Variants in POLR3GL observed in about 807,000 individuals in gnomAD.
POLR3GL encodes RNA polymerase III subunit GL.
In POLR3GL, 26 loss-of-function variants were observed where a neutral mutation model predicts 32.4. The ratio of observed to expected loss-of-function variants is 0.80; its 90% confidence interval spans 0.59 to 1.11. The LOEUF (loss-of-function observed/expected upper bound fraction) is 1.11. Among genes scored for constraint, POLR3GL ranks in the 50% most tolerant of loss-of-function variants. POLR3GL has a pLI of 0.00. For missense variants in POLR3GL, 229 were observed against 280.1 expected (o/e 0.82, Z 1.30); for synonymous variants, 95 against 98.7 (o/e 0.96, Z 0.22).
intron 3 of POLR3GL, 42 bp from the exon 4 acceptor site, chr1:145,977,042 G>C: frequency 6.6e-7 from 1 of 1,507,988 alleles, no homozygotes; most frequent in Non-Finnish European, 9.2e-7. Context: ...GTCCTGTTCT[G>C]GGTCTCTGAA....
chr1:145,977,587 A>C, intron 5 of POLR3GL, 48 bp downstream of exon 5: 1 of 1,552,640 alleles, frequency 6.4e-7, no homozygotes, highest in Non-Finnish European at 8.9e-7. Context: ...TTCCTTCATC[A>C]GCCTGAGGGC....
chr1:145,969,796 G>A (rs1475394433), intron 1 of POLR3GL, among the ~76,000 whole-genome samples: 2 of 150,670 alleles, frequency 1.3e-5, no homozygotes, highest in African/African-American at 4.9e-5. Context: ...GTGGGTGCCT[G>A]TAATCCCAGC....
chr1:145,966,945 C>T (rs978535776), intron 1 of POLR3GL, among the ~76,000 whole-genome samples: 2 of 151,828 alleles, frequency 1.3e-5, no homozygotes, highest in Admixed American at 1.3e-4. Context: ...GACTGTATAT[C>T]TGTTGATGTC....
intron 1 of POLR3GL, among the ~76,000 whole-genome samples, chr1:145,972,030 G>GTGTGTGTGTA (rs1345016591): frequency 3.1e-5 from 4 of 128,542 alleles, no homozygotes; most frequent in African/African-American, 1.2e-4. Context: ...GTGTGTGTGT[G>GTGTGTGTGTA]TATATATATA....
rs587640265 is a variant in POLR3GL, at chr1:145,978,550, A to T, written c.*103A>T. ...CAAATCATTTGGTCAGAGTTCATAT[A>T]ATCTGTCTGTTCCCTGGAGATGGGA... On this transcript the variant is annotated 3_prime_UTR_variant, in exon 8 of 8. Transcript: ENST00000369314. 1.3e-6 allele frequency: 1 copy of T among 789,454 alleles called. No individual in the cohort carries two copies. The highest frequency in any genetic ancestry group is 2.4e-5 in the East Asian group (1 of 40,968). The allele number at this position is 789,454 out of a possible 1,614,324, so 48.9% of individuals were successfully genotyped here.
intron 1 of POLR3GL, among the ~76,000 whole-genome samples, chr1:145,971,833 C>T (rs1490401523): frequency 2.7e-5 from 4 of 150,494 alleles, no homozygotes; most frequent in African/African-American, 7.3e-5. Flanking sequence ...GGCGTAGTGG[C>T]GTGCGCCCGT....
At position 145,977,556 on chromosome 1, in the gene POLR3GL, A is replaced by G. The variant is rs376979136; in HGVS notation, c.382+17A>G. ...AGAAGGAACGTGAGTGTATCTGGAAAAAAGGAGGGAGAAGAGAGGTTTCCT... is the reference window on the plus strand; with the variant it reads ...AGAAGGAACGTGAGTGTATCTGGAAGAAAGGAGGGAGAAGAGAGGTTTCCT... On this transcript the variant is annotated intron_variant, in intron 5 of 7. Transcript: ENST00000369314. 3 of 1,611,978 alleles carry G rather than the reference A, an allele frequency of 1.9e-6. No homozygotes were observed. In the African/African-American group the frequency reaches 4.0e-5, roughly 22 times the overall value.
At chr1:145,966,735 G>A (rs1386794607) in intron 1 of POLR3GL, among the ~76,000 whole-genome samples, 3 of 151,970 alleles carry the variant, frequency 2.0e-5, no homozygotes, top group Admixed American at 1.3e-4. Context: ...GTTGCGGTGA[G>A]CTGAGATTGC....
intron 1 of POLR3GL, among the ~76,000 whole-genome samples, chr1:145,974,153 T>C (rs1650447496): frequency 6.6e-6 from 1 of 151,928 alleles, no homozygotes. Context: ...AATAAAAAGA[T>C]CAATTTGATT....
At chr1:145,971,152 C>T (rs1045019405) in intron 1 of POLR3GL, among the ~76,000 whole-genome samples, 1 of 136,684 alleles carries the variant, frequency 7.3e-6, no homozygotes, top group South Asian at 2.3e-4. Context: ...CGCCATTGCA[C>T]TCCAGCCGGG....
At chr1:145,976,741 C>T (rs183135916) in intron 3 of POLR3GL, among the ~76,000 whole-genome samples, 11 of 151,506 alleles carry the variant, frequency 7.3e-5, no homozygotes, top group East Asian at 2.0e-4. Context: ...GGTGAAACCC[C>T]GTCTCTACTA....
Position 145,977,599 on chromosome 1 carries a change from G to T in POLR3GL, c.382+60G>T, listed in dbSNP as rs373046614. On this transcript the variant is annotated intron_variant, in intron 5 of 7. Transcript: ENST00000369314. ...GGTTTCCTTCATCAGCCTGAGGGCC[G>T]AGGCTGCTGCTGGTCTCACCTTCCA... The T allele has an allele frequency of 3.3e-6, 5 of 1,493,890 alleles. No individual in the cohort carries two copies. The African/African-American group carries it at 6.9e-5, about 21-fold the overall frequency. 92.5% of individuals were successfully genotyped at this position (1,493,890 alleles called of 1,614,324 possible). A position where few individuals can be genotyped will look rare whatever the true frequency, so the allele number is the denominator to read the frequency against.
Position 145,977,865 on chromosome 1 carries a change from G to A in POLR3GL, c.456+14G>A, listed in dbSNP as rs375896021. The A allele has an allele frequency of 3.6e-5, 58 of 1,613,224 alleles. No homozygotes were observed. The highest frequency in any genetic ancestry group is 4.7e-5 in the Non-Finnish European group (56 of 1,179,306). On this transcript the variant is annotated intron_variant, in intron 6 of 7. Transcript: ENST00000369314. Reference sequence around the variant, plus strand: ...CAGAAACTAGAGGTGAGGAGGAAGTGTGCATAGAGACCTCCTGAGCCCTGG... The same window carrying A: ...CAGAAACTAGAGGTGAGGAGGAAGTATGCATAGAGACCTCCTGAGCCCTGG...
Position 145,977,763 on chromosome 1 carries a change from T to G in POLR3GL, c.383-15T>G. The G allele has an allele frequency of 2.5e-6, 4 of 1,613,386 alleles. No homozygotes were observed. Among genetic ancestry groups the G allele is most frequent in the Non-Finnish European group, 3.4e-6 (4 of 1,179,396 alleles). On this transcript the variant is annotated splice_polypyrimidine_tract_variant and intron_variant, in intron 5 of 7. Transcript: ENST00000369314. ...ATTTGCTCTCTGAAGGTTTACCTTT[T>G]GATCCCTCCACCAGGGATTACAATT...
At chr1:145,977,173 T>C (rs1553763554) in intron 4 of POLR3GL, 21 bp downstream of exon 4, 7 of 1,593,066 alleles carry the variant, frequency 4.4e-6, no homozygotes, top group South Asian at 3.3e-5. Flanking sequence ...GGCCCTTTCA[T>C]TGACTGCCCT....
At chr1:145,967,798 C>G (rs782491161) in intron 1 of POLR3GL, among the ~76,000 whole-genome samples, 3 of 152,150 alleles carry the variant, frequency 2.0e-5, no homozygotes, top group Non-Finnish European at 4.4e-5. Flanking sequence ...TTGCACACTG[C>G]TATATCCATA....
intron 1 of POLR3GL, among the ~76,000 whole-genome samples, chr1:145,966,893 C>G (rs960195728): frequency 4.6e-5 from 7 of 151,828 alleles, no homozygotes; most frequent in Admixed American, 1.3e-4. Context: ...TTTTTGCTAC[C>G]ATAAATAGCT....
intron 1 of POLR3GL, among the ~76,000 whole-genome samples, chr1:145,969,811 C>T (rs1279611636): frequency 6.7e-6 from 1 of 149,782 alleles, no homozygotes; most frequent in African/African-American, 2.4e-5. Context: ...CCCAGCCACT[C>T]AGGAGGCTGA....
At chr1:145,977,232 C>A in intron 4 of POLR3GL, 80 bp downstream of exon 4, 2 of 1,238,320 alleles carry the variant, frequency 1.6e-6, no homozygotes, top group African/African-American at 1.5e-5. Flanking sequence ...ACGCCCATGA[C>A]CCCACCCCAT....
Sources: allele counts gnomAD v4.1 joint callset (sites outside exome capture counted in the v4.1 genomes callset), GRCh38; gene constraint gnomAD v4.1.1; transcripts MANE v1.5; gene names NCBI Gene and HGNC (gene_info 2026-07-23, HGNC 2026-07-21).